SEMA6D: variants seen among roughly 807,000 people sequenced by gnomAD.
SEMA6D encodes semaphorin-6D.
SEMA6D carries 35 observed loss-of-function variants against 106.6 expected under a neutral mutation model. That is an observed-to-expected ratio of 0.33 (90% CI 0.25 to 0.44). The LOEUF (loss-of-function observed/expected upper bound fraction) is 0.44, where lower values mean the gene tolerates loss of function less well. Ranked by LOEUF, SEMA6D falls within the 20% of genes least tolerant of loss-of-function variation. SEMA6D has a pLI of 1.00. For missense variants in SEMA6D, 1,185 were observed against 1,345.9 expected (o/e 0.88, Z 1.87); for synonymous variants, 499 against 487.7 (o/e 1.02, Z -0.31).
chr15:47,587,740 G>A (rs1304616667), intron 3 of SEMA6D, among the ~76,000 whole-genome samples: 2 of 152,066 alleles, frequency 1.3e-5, no homozygotes, highest in Non-Finnish European at 2.9e-5. Flanking sequence ...AGGTGGTGGG[G>A]CCAGAGATTG....
At chr15:47,532,836 C>G (rs545291714) in intron 3 of SEMA6D, among the ~76,000 whole-genome samples, 13 of 152,260 alleles carry the variant, frequency 8.5e-5, no homozygotes, top group Non-Finnish European at 1.8e-4. Flanking sequence ...AGGAAATTCA[C>G]TATATATAAA....
chr15:47,584,679 C>T (rs1262958033), intron 3 of SEMA6D, among the ~76,000 whole-genome samples: 1 of 152,104 alleles, frequency 6.6e-6, no homozygotes, highest in Admixed American at 6.6e-5. Flanking sequence ...AGGCAGGGTA[C>T]AAATAATAAA....
At chr15:47,345,936 T>G (rs1342813431) in intron 1 of SEMA6D, among the ~76,000 whole-genome samples, 1 of 152,114 alleles carries the variant, frequency 6.6e-6, no homozygotes, top group African/African-American at 2.4e-5. Context: ...ATGCCTAAAT[T>G]TATTAGGCTA....
At chr15:47,366,593 G>T (rs2039039153) in intron 1 of SEMA6D, among the ~76,000 whole-genome samples, 1 of 152,224 alleles carries the variant, frequency 6.6e-6, no homozygotes, top group Non-Finnish European at 1.5e-5. Context: ...TTGCTTGAAA[G>T]AATCAAGGGA....
At position 47,629,774 on chromosome 15, in the gene SEMA6D, C is replaced by G. The variant is rs1361432588; in HGVS notation, c.-55+28878C>G. Among the ~76,000 whole-genome samples the G allele has an allele frequency of 2.0e-5, 3 of 151,796 alleles. No homozygotes were observed. In the East Asian group the frequency reaches 5.8e-4, roughly 29 times the overall value. On this transcript the variant is annotated intron_variant, in intron 4 of 19. Transcript: ENST00000558014. ...TGTCCATGAGATCAAGTTTTTGGCTCCCATTTATGAGTGAGAATGTATAAT... is the reference window on the plus strand; with the variant it reads ...TGTCCATGAGATCAAGTTTTTGGCTGCCATTTATGAGTGAGAATGTATAAT...
chr15:47,758,444 A>G (rs939798808), intron 1 of SEMA6D, among the ~76,000 whole-genome samples: 12 of 141,826 alleles, frequency 8.5e-5, no homozygotes, highest in African/African-American at 3.7e-4. Context: ...GTTTTGGTTG[A>G]GGGGGGGGTG....
intron 3 of SEMA6D, among the ~76,000 whole-genome samples, chr15:47,495,901 G>GT (rs2043640182): frequency 6.6e-6 from 1 of 152,082 alleles, no homozygotes; most frequent in East Asian, 1.9e-4. Context: ...GCTTTGTAGA[G>GT]TTTAAAGATC....
chr15:47,205,722 C>T (rs977170423), intron 1 of SEMA6D, among the ~76,000 whole-genome samples: 1 of 151,802 alleles, frequency 6.6e-6, no homozygotes, highest in African/African-American at 2.4e-5. Context: ...TTCGAATAGA[C>T]CATAATAAGC....
At chr15:47,417,722 TGGA>T (rs1312044781) in intron 2 of SEMA6D, among the ~76,000 whole-genome samples, 3 of 152,068 alleles carry the variant, frequency 2.0e-5, no homozygotes, top group Admixed American at 6.6e-5. Context: ...GTTTCATAAA[TGGA>T]GGATATCATG....
intron 3 of SEMA6D, among the ~76,000 whole-genome samples, chr15:47,526,863 A>G (rs2044776729): frequency 6.6e-6 from 1 of 151,884 alleles, no homozygotes; most frequent in Non-Finnish European, 1.5e-5. Flanking sequence ...CAGCCTCCCG[A>G]GTAGCTGAGA....
chr15:47,558,553 G>A (rs1307161747), intron 3 of SEMA6D, among the ~76,000 whole-genome samples: 1 of 151,948 alleles, frequency 6.6e-6, no homozygotes, highest in Non-Finnish European at 1.5e-5. Flanking sequence ...GACTTGCACA[G>A]GGTGAAGAGG....
upstream of SEMA6D, among the ~76,000 whole-genome samples, chr15:47,715,358 GAGTT>G (rs1484236257): frequency 6.6e-6 from 1 of 152,184 alleles, no homozygotes; most frequent in Non-Finnish European, 1.5e-5. Flanking sequence ...GCTGCATAAA[GAGTT>G]AGCAGTTTTC....
At position 47,682,960 on chromosome 15, in the gene SEMA6D, G is replaced by A. The variant is rs1452689916; in HGVS notation, c.-54-76785G>A. 2.0e-5 allele frequency among the ~76,000 whole-genome samples: 3 copies of A among 152,172 alleles called. No homozygotes were observed. The East Asian group carries it at 5.8e-4, about 29-fold the overall frequency. ...CTAAGCACATAAGTGCTGTTGATTG[G>A]TTGCCTGAATACAGTGAGCACGTTC... On this transcript the variant is annotated intron_variant, in intron 4 of 19. Transcript: ENST00000558014.
intron 4 of SEMA6D, among the ~76,000 whole-genome samples, chr15:47,607,526 T>C (rs913590284): frequency 4.8e-4 from 73 of 152,226 alleles, no homozygotes; most frequent in African/African-American, 1.7e-3. Context: ...AGTAAATATC[T>C]ACTTACCTTT....
At chr15:47,584,423 C>T (rs947047604) in intron 3 of SEMA6D, among the ~76,000 whole-genome samples, 1 of 146,232 alleles carries the variant, frequency 6.8e-6, no homozygotes, top group Non-Finnish European at 1.5e-5. Context: ...AACTCTGTCT[C>T]AGGGGAAAAA....
chr15:47,585,761 T>A (rs976729111), intron 3 of SEMA6D, among the ~76,000 whole-genome samples: 10 of 152,148 alleles, frequency 6.6e-5, no homozygotes, highest in Admixed American at 3.3e-4. Flanking sequence ...AGTAATTTTT[T>A]AAAATGTATT....
intron 3 of SEMA6D, among the ~76,000 whole-genome samples, chr15:47,505,887 A>G (rs938305671): frequency 2.6e-5 from 4 of 151,974 alleles, no homozygotes; most frequent in Non-Finnish European, 5.9e-5. Flanking sequence ...AGCACTAGAG[A>G]GGTTGAGGGG....
chr15:47,333,650 C>T (rs2144189343), intron 1 of SEMA6D, among the ~76,000 whole-genome samples: 1 of 152,280 alleles, frequency 6.6e-6, no homozygotes, highest in South Asian at 2.1e-4. Flanking sequence ...AGTACCTCCT[C>T]TTGCCAGGCA....
chr15:47,564,067 G>A (rs747021412), intron 3 of SEMA6D, among the ~76,000 whole-genome samples: 36 of 152,280 alleles, frequency 2.4e-4, no homozygotes, highest in African/African-American at 4.6e-4. Context: ...CTGACCCTAC[G>A]TCAATGACAT....
Sources: allele counts gnomAD v4.1 joint callset (sites outside exome capture counted in the v4.1 genomes callset), GRCh38; gene constraint gnomAD v4.1.1; transcripts MANE v1.5; gene names NCBI Gene and HGNC (gene_info 2026-07-23, HGNC 2026-07-21).